The following EDEM1 variants were observed in gnomAD, a reference collection of about 807,000 sequenced individuals.
EDEM1 encodes the protein ER degradation-enhancing alpha-mannosidase-like protein 1.
EDEM1 carries 67 observed loss-of-function variants against 74.4 expected under a neutral mutation model. The ratio of observed to expected loss-of-function variants is 0.90; its 90% CI spans 0.74 to 1.10. The LOEUF (loss-of-function observed/expected upper bound fraction) is 1.10. Among genes scored for constraint, EDEM1 ranks in the 50% least tolerant of loss-of-function variants. The pLI is 0.00. For missense variants in EDEM1, 926 were observed against 851.6 expected (o/e 1.09, Z -1.09); for synonymous variants, 382 against 335.9 (o/e 1.14, Z -1.50).
In EDEM1 at chr3:5,217,611, C is replaced by T. The variant is rs915129811; in HGVS notation, c.*1693C>T. ...TCAGTAATAAACGTGCCATCTCTATCTCTTAAACATTTATTACAACAATTG... is the reference window on the plus strand; with the variant it reads ...TCAGTAATAAACGTGCCATCTCTATTTCTTAAACATTTATTACAACAATTG... On this transcript the variant is annotated 3_prime_UTR_variant, in exon 12 of 12. Coordinates refer to ENST00000256497, the MANE Select transcript of EDEM1 (RefSeq NM_014674.3). The T allele has an allele frequency of 1.3e-5, 2 of 152,538 alleles. No homozygotes were observed. The highest frequency in any genetic ancestry group is 2.9e-5 in the Non-Finnish European group (2 of 68,014). The allele number at this position is 152,538 out of a possible 1,614,324, so 9.4% of individuals were successfully genotyped here.
intron 5 of EDEM1, among the ~76,000 whole-genome samples, chr3:5,204,216 TG>T (rs775131236): frequency 1.1e-4 from 16 of 152,230 alleles, no homozygotes; most frequent in Non-Finnish European, 1.9e-4. Flanking sequence ...CAGCCTGGCC[TG>T]TGTAACTTCT....
chr3:5,196,192 C>T (rs375182788), intron 2 of EDEM1, among the ~76,000 whole-genome samples: 35 of 152,308 alleles, frequency 2.3e-4, no homozygotes, highest in Admixed American at 2.0e-3. Context: ...CGCAGTGGCT[C>T]ACGCCTGTAA....
At chr3:5,215,738 G>A in intron 11 of EDEM1, 91 bp from the exon 12 acceptor site, 1 of 1,224,666 alleles carries the variant, frequency 8.2e-7, no homozygotes, top group South Asian at 1.2e-5. Flanking sequence ...GTAGTTCACA[G>A]GCTGAGAAAC....
Position 5,199,636 on chromosome 3 carries a change from G to A in EDEM1, c.627G>A (p.Val209=). The part of the protein sequence containing the change: ...SSEFQKAVKL[V]INTVSFDKDS... ...AGTTCCAGAAAGCCGTCAAGTTAGT[G>A]ATCAACACAGTTTCATTTGACAAAG... is the stretch of plus-strand genomic sequence containing the variant. Residue 209 remains valine (V), a synonymous_variant, in exon 3 of 12, where the codon GTG becomes GTA. Coordinates refer to ENST00000256497, the MANE Select transcript of EDEM1 (RefSeq NM_014674.3). The A allele has an allele frequency of 6.2e-7, 1 of 1,613,862 alleles. No homozygotes were observed. The highest frequency in any genetic ancestry group is 1.3e-5 in the African/African-American group (1 of 75,040).
chr3:5,213,011 C>G (rs544358263), intron 10 of EDEM1, among the ~76,000 whole-genome samples: 86 of 152,306 alleles, frequency 5.6e-4, no homozygotes, highest in African/African-American at 2.0e-3. Flanking sequence ...TGGAAATCAT[C>G]CAGTGAACTT....
At chr3:5,192,403 T>A (rs1316941608) in intron 1 of EDEM1, among the ~76,000 whole-genome samples, 2 of 152,266 alleles carry the variant, frequency 1.3e-5, no homozygotes, top group Non-Finnish European at 2.9e-5. Flanking sequence ...ATATGTTTGA[T>A]TTTGTTAGCT....
intron 1 of EDEM1, among the ~76,000 whole-genome samples, chr3:5,194,660 C>G (rs1056573578): frequency 1.1e-4 from 16 of 152,126 alleles, no homozygotes; most frequent in African/African-American, 3.9e-4. Context: ...ATAATCAAGA[C>G]CCTTTGGATG....
chr3:5,192,013 C>G (rs1378492372), intron 1 of EDEM1, among the ~76,000 whole-genome samples: 2 of 152,238 alleles, frequency 1.3e-5, no homozygotes, highest in Non-Finnish European at 2.9e-5. Flanking sequence ...ATATTGGCCC[C>G]TCAAATGCTT....
At position 5,213,936 on chromosome 3, in the gene EDEM1, G is replaced by A. The variant is rs528955397; in HGVS notation, c.1884+414G>A. Among the ~76,000 whole-genome samples the A allele has an allele frequency of 1.1e-4, 16 of 152,316 alleles. No homozygotes were observed. In the Middle Eastern group the frequency reaches 0.01, roughly 97 times the overall value. Reference sequence around the variant, plus strand: ...CTGCCTGGGGCAGAAGCTGGAGGCCGAGGGAGCCTGTTGATATGATCCATC... The same window carrying A: ...CTGCCTGGGGCAGAAGCTGGAGGCCAAGGGAGCCTGTTGATATGATCCATC... On this transcript the variant is annotated intron_variant, in intron 11 of 11. Transcript: ENST00000256497.
Position 5,218,304 on chromosome 3 carries a change from G to C in EDEM1, c.*2386G>C, listed in dbSNP as rs966566816. 2.6e-5 allele frequency: 4 copies of C among 151,598 alleles called. No individual in the cohort carries two copies. The highest frequency in any genetic ancestry group is 7.3e-5 in the African/African-American group (3 of 41,220). The allele number at this position is 151,598 out of a possible 1,614,324, so 9.4% of individuals were successfully genotyped here. A position where few individuals can be genotyped will look rare whatever the true frequency, so the allele number is the denominator to read the frequency against. On this transcript the variant is annotated 3_prime_UTR_variant, in exon 12 of 12. Transcript: ENST00000256497. ...TTTGATGCTATGTAGTCAGTGGTTT[G>C]TGGGGCTGGATGCCAGAAGGTTCTT...
At chr3:5,211,394 A>G in intron 10 of EDEM1, 178 bp downstream of exon 10, 1 of 595,796 alleles carries the variant, frequency 1.7e-6, no homozygotes, top group Non-Finnish European at 2.9e-6. Context: ...ATGGTTTCCA[A>G]CCTTGTTGAA....
chr3:5,206,741 T>C (rs1023493958), intron 6 of EDEM1, among the ~76,000 whole-genome samples: 6 of 152,220 alleles, frequency 3.9e-5, no homozygotes, highest in African/African-American at 1.4e-4. Flanking sequence ...CTCTGATGCA[T>C]TTCTCCAGGC....
Position 5,213,639 on chromosome 3 carries a change from G to C in EDEM1, c.1884+117G>C. The C allele has an allele frequency of 5.1e-6, 5 of 985,050 alleles. No homozygotes were observed. The South Asian group carries it at 8.8e-5, about 17-fold the overall frequency. 61.0% of individuals were successfully genotyped at this position (985,050 alleles called of 1,614,324 possible). On this transcript the variant is annotated intron_variant, in intron 11 of 11. Transcript: ENST00000256497. Reference sequence around the variant, plus strand: ...ATGGTGTATGCAGATTGGGAGATTTGAAAACACCTCCTAAAGACACCATTT... The same window carrying C: ...ATGGTGTATGCAGATTGGGAGATTTCAAAACACCTCCTAAAGACACCATTT...
Position 5,187,966 on chromosome 3 carries a change from C to T in EDEM1, c.161C>T (p.Ser54Leu), listed in dbSNP as rs1355268627. 1 of 1,555,776 alleles carries T rather than the reference C, an allele frequency of 6.4e-7. No individual in the cohort carries two copies. The highest frequency in any genetic ancestry group is 8.7e-7 in the Non-Finnish European group (1 of 1,154,780). ...QRLRSPDGPA[S>L]PTSGPVGRPG... is the part of the protein sequence containing the mutation. The stretch of plus-strand genomic sequence containing the variant: ...CTGAGGAGCCCCGACGGCCCCGCGT[C>T]GCCCACCTCGGGGCCCGTGGGCCGG... Residue 54 changes from serine to leucine, a missense_variant, in exon 1 of 12, where the codon TCG becomes TTG. Transcript: ENST00000256497.
intron 10 of EDEM1, chr3:5,211,498 T>C (rs760653538): frequency 1.7e-5 from 6 of 344,474 alleles, no homozygotes; most frequent in Admixed American, 3.9e-5. Flanking sequence ...GTTAGTTCTG[T>C]ATCTAACTAC....
chr3:5,204,296 C>T (rs1184954145), intron 5 of EDEM1, among the ~76,000 whole-genome samples: 1 of 151,958 alleles, frequency 6.6e-6, no homozygotes, highest in African/African-American at 2.4e-5. Flanking sequence ...CATTTGTTTC[C>T]AGGTTGTTGC....
intron 2 of EDEM1, among the ~76,000 whole-genome samples, chr3:5,198,151 A>G (rs945469883): frequency 5.9e-5 from 9 of 151,902 alleles, no homozygotes; most frequent in South Asian, 2.1e-4. Context: ...GGGTTCAAGC[A>G]GTTCTTGTGC....
chr3:5,203,027 G>T lies in EDEM1; in HGVS notation c.920G>T (p.Gly307Val), dbSNP rs761027259. ...TNNETCTAGAGSLLVEFGILS... is the reference protein window; with the variant it reads ...TNNETCTAGAVSLLVEFGILS... Reference sequence around the variant, plus strand: ...AATGAGACATGCACAGCGGGAGCCGGTTCCCTCCTGGTGGAATTTGGGATT... The same window carrying T: ...AATGAGACATGCACAGCGGGAGCCGTTTCCCTCCTGGTGGAATTTGGGATT... The change falls in exon 5 of 12, where the codon GGT becomes GTT. Residue 307 changes from glycine to valine, a missense_variant. By Grantham distance (109) the Gly-to-Val change is moderately radical. Transcript: ENST00000256497. 2.5e-6 allele frequency: 4 copies of T among 1,613,924 alleles called. No individual in the cohort carries two copies. Among genetic ancestry groups the T allele is most frequent in the Non-Finnish European group, 3.4e-6 (4 of 1,179,894 alleles).
intron 1 of EDEM1, among the ~76,000 whole-genome samples, chr3:5,192,889 G>T (rs375426464): frequency 1.3e-5 from 2 of 152,186 alleles, no homozygotes; most frequent in East Asian, 3.9e-4. Flanking sequence ...GACTAGAGTG[G>T]AGAGAAGAAA....
Sources: allele counts gnomAD v4.1 joint callset (sites outside exome capture counted in the v4.1 genomes callset), GRCh38; gene constraint gnomAD v4.1.1; transcripts MANE v1.5; gene names NCBI Gene and HGNC (gene_info 2026-07-23, HGNC 2026-07-21).